The following HPS1 variants were observed in gnomAD, a reference collection of about 807,000 sequenced individuals.
The protein encoded by HPS1 is BLOC-3 complex member HPS1.
In HPS1, 59 loss-of-function variants were observed where a neutral mutation model predicts 90.6. That is an observed-to-expected ratio of 0.65 (90% CI 0.53 to 0.81). The LOEUF (loss-of-function observed/expected upper bound fraction) is 0.81. Among genes scored for constraint, HPS1 ranks in the 30% least tolerant of loss-of-function variants. The probability of loss-of-function intolerance (pLI) is 0.00; values close to 1 mark genes in which losing one functional copy is unlikely to be tolerated. For missense variants in HPS1, 849 were observed against 896.7 expected (o/e 0.95, Z 0.68); for synonymous variants, 388 against 384.4 (o/e 1.01, Z -0.11).
In HPS1 at chr10:98,435,861, G is replaced by T. The variant is rs193183757; in HGVS notation, c.118-89C>A. On this transcript the variant is annotated intron_variant, in intron 3 of 19. Coordinates refer to ENST00000361490, the MANE Select transcript of HPS1 (RefSeq NM_000195.5). The surrounding 1 kb of genome is among the most constrained non-coding windows in gnomAD (Gnocchi z 4.3). The stretch of plus-strand genomic sequence containing the variant: ...ACAAGATCAGGCCTTGATATCAAGG[G>T]TTCCATAGTGTTAGACCCTCCTGGG... 33 of 1,537,364 alleles carry T rather than the reference G, an allele frequency of 2.1e-5. No homozygotes were observed. The East Asian group carries it at 7.2e-4, about 34-fold the overall frequency.
rs1165966988 is a variant in HPS1 at position 98,429,705 on chromosome 10, T to C, written c.868-63A>G. 5 of 1,613,870 alleles carry C rather than the reference T, an allele frequency of 3.1e-6. No individual in the cohort carries two copies. The Admixed American group carries it at 8.3e-5, about 27-fold the overall frequency. On this transcript the variant is annotated intron_variant, in intron 9 of 19. Coordinates refer to ENST00000361490, the MANE Select transcript of HPS1 (RefSeq NM_000195.5). ...CCAGCTGGCTCAACCCTGTCCCTGCTCTCCCAGGAGGGATGGGAAAGGCCT... is the reference window on the plus strand; with the variant it reads ...CCAGCTGGCTCAACCCTGTCCCTGCCCTCCCAGGAGGGATGGGAAAGGCCT...
At chr10:98,438,850 G>A (rs757225005) in intron 3 of HPS1, among the ~76,000 whole-genome samples, 3 of 152,182 alleles carry the variant, frequency 2.0e-5, no homozygotes, top group East Asian at 1.9e-4. Context: ...AGGCCCTCTC[G>A]CCACAGGCCT....
downstream of HPS1, chr10:98,415,147 G>C: frequency 6.2e-7 from 1 of 1,610,762 alleles, no homozygotes; most frequent in South Asian, 1.1e-5. Context: ...TCTGCCCCAG[G>C]CTGGGCCTTG....
At chr10:98,434,880 GT>G (rs1847079248) in intron 5 of HPS1, among the ~76,000 whole-genome samples, 1 of 141,090 alleles carries the variant, frequency 7.1e-6, no homozygotes, top group Admixed American at 7.5e-5. Context: ...ATGTGCATGG[GT>G]TTGTGTTTTT....
At chr10:98,415,539 G>A (rs1473258671), downstream of HPS1, among the ~76,000 whole-genome samples, 3 of 152,214 alleles carry the variant, frequency 2.0e-5, no homozygotes, top group Non-Finnish European at 4.4e-5. Flanking sequence ...CTCCTCCCCT[G>A]TGCATCTACC....
At position 98,425,636 on chromosome 10, in the gene HPS1, C is replaced by G; in HGVS notation, c.1240G>C (p.Glu414Gln). 1 of 1,613,814 alleles carries G rather than the reference C, an allele frequency of 6.2e-7. No individual in the cohort carries two copies. Among genetic ancestry groups the G allele is most frequent in the Middle Eastern group, 1.7e-4 (1 of 6,056 alleles). ...MLEKKLKEGP[E>Q]PGASLRSQPL... is the part of the protein sequence containing the mutation. ...TGGGAGCGCAGGGAGGCCCCGGGCT[C>G]CGGCCCTTCCTTCAGCTTCTTCTCC... The change falls in exon 13 of 20, where the codon GAG becomes CAG. Residue 414 changes from glutamate (E) to glutamine (Q), a missense_variant. Physicochemically the swap from Glu to Gln is conservative, Grantham distance 29. Coordinates refer to ENST00000361490, the MANE Select transcript of HPS1 (RefSeq NM_000195.5).
intron 10 of HPS1, among the ~76,000 whole-genome samples, chr10:98,427,642 G>A (rs928810776): frequency 7.4e-5 from 10 of 135,034 alleles, no homozygotes; most frequent in South Asian, 2.5e-4. Context: ...GCCTCAACCC[G>A]CCCCTCAGGA....
At chr10:98,430,896 C>A (rs1482599303) in intron 7 of HPS1, among the ~76,000 whole-genome samples, 4 of 152,184 alleles carry the variant, frequency 2.6e-5, no homozygotes, top group Non-Finnish European at 5.9e-5. Context: ...CACCAGGGAC[C>A]AAGAACAACA....
rs375927441 is a variant in HPS1 at position 98,418,169 on chromosome 10, C to T, written c.1940+6G>A. The T allele has an allele frequency of 9.7e-5, 155 of 1,590,018 alleles. No individual in the cohort carries two copies. Among genetic ancestry groups the T allele is most frequent in the African/African-American group, 8.9e-4 (66 of 74,508 alleles). On this transcript the variant is annotated splice_donor_region_variant and intron_variant, in intron 19 of 19. Transcript: ENST00000361490. ...CTGTCCCCAGTGGCTCCCAACGCAG[C>T]GTCACCTGTAGTAGTCTCCTCCCAG...
rs763241171 is a variant in HPS1 at position 98,424,327 on chromosome 10, G to A, written c.1383C>T (p.Pro461=). 71 of 1,612,574 alleles carry A rather than the reference G, an allele frequency of 4.4e-5. No individual in the cohort carries two copies. Among genetic ancestry groups the A allele is most frequent in the South Asian group, 2.1e-4 (19 of 90,608 alleles). ...CCACCACTCACTCCCAGGAGGATCC[G>A]GGCTCACTTTTGGAGAAAGCCTTGG... ...FKAKAFSKSE[P]GSSWELLQAC... is the part of the protein sequence containing the mutation. The change falls in exon 14 of 20, where the codon CCC becomes CCT. Residue 461 remains proline, a synonymous_variant. Coordinates refer to ENST00000361490, the MANE Select transcript of HPS1 (RefSeq NM_000195.5).
At chr10:98,426,039 C>T in intron 11 of HPS1, 54 bp from the exon 12 acceptor site, 1 of 1,475,170 alleles carries the variant, frequency 6.8e-7, no homozygotes, top group Non-Finnish European at 9.5e-7. Context: ...TTGGACCCAC[C>T]CATTGCGGCC....
intron 16 of HPS1, among the ~76,000 whole-genome samples, chr10:98,423,375 A>C (rs1845163500): frequency 6.8e-6 from 1 of 147,958 alleles, no homozygotes. Flanking sequence ...TTTGTGAATT[A>C]ACTTTGGGAC....
chr10:98,418,977 G>A (rs983546987), intron 18 of HPS1, among the ~76,000 whole-genome samples: 11 of 152,248 alleles, frequency 7.2e-5, no homozygotes, highest in African/African-American at 2.4e-4. Context: ...CTGGGAGCCT[G>A]CAGGCCGGGG....
intron 14 of HPS1, 41 bp downstream of exon 14, chr10:98,424,272 G>A: frequency 6.7e-7 from 1 of 1,491,164 alleles, no homozygotes; most frequent in Non-Finnish European, 9.3e-7. Context: ...ACAGTCCCCT[G>A]GGCACACGAC....
chr10:98,430,178 C>T (rs1473783139), intron 8 of HPS1, among the ~76,000 whole-genome samples: 1 of 152,174 alleles, frequency 6.6e-6, no homozygotes, highest in Non-Finnish European at 1.5e-5. Context: ...TTCACTATGC[C>T]CCAGGCAGTG....
rs760527541 is a variant in HPS1 at position 98,443,197 on chromosome 10, A to G, written c.44T>C (p.Phe15Ser). The stretch of plus-strand genomic sequence containing the variant: ...TTCAAACTCCTGATCTGTCCAGTAG[A>G]AGAGGACCTCTGCGCCCTCAGTGGC... ...LVATEGAEVL[F>S]YWTDQEFEES... The change falls in exon 3 of 20, where the codon TTC becomes TCC. Residue 15 changes from phenylalanine (F) to serine (S), a missense_variant. By Grantham distance (155) the Phe-to-Ser change is radical. Transcript: ENST00000361490. 1.2e-6 allele frequency: 2 copies of G among 1,614,134 alleles called. No homozygotes were observed. Among genetic ancestry groups the G allele is most frequent in the Non-Finnish European group, 1.7e-6 (2 of 1,180,004 alleles).
At chr10:98,437,377 T>A (rs181673712) in intron 3 of HPS1, among the ~76,000 whole-genome samples, 1 of 152,246 alleles carries the variant, frequency 6.6e-6, no homozygotes, top group Admixed American at 6.5e-5. Context: ...AAGTCACTTA[T>A]GAATCTAGAT....
rs1240455557 is a variant in HPS1 at position 98,425,934 on chromosome 10, C to G, written c.1039G>C (p.Gly347Arg). The G allele has an allele frequency of 1.9e-6, 3 of 1,614,102 alleles. No individual in the cohort carries two copies. Among genetic ancestry groups the G allele is most frequent in the South Asian group, 1.1e-5 (1 of 91,086 alleles). The change falls in exon 12 of 20, where the codon GGC becomes CGC. Residue 347 changes from glycine to arginine, a missense_variant. Coordinates refer to ENST00000361490, the MANE Select transcript of HPS1 (RefSeq NM_000195.5). Reference protein sequence around the residue: ...TLVPHCPVPSGPRRIFLDANV... With the variant: ...TLVPHCPVPSRPRRIFLDANV... ...GCATCCAGGAAGATCCTTCTGGGGCCGGAAGGCACAGGGCAGTGGGGAACC... is the reference window on the plus strand; with the variant it reads ...GCATCCAGGAAGATCCTTCTGGGGCGGGAAGGCACAGGGCAGTGGGGAACC...
chr10:98,423,754 G>A lies in HPS1; in HGVS notation c.1531C>T (p.Arg511Trp), dbSNP rs147748659. The change falls in exon 15 of 20, where the codon CGG becomes TGG. Residue 511 changes from arginine to tryptophan, a missense_variant and splice_region_variant. Transcript: ENST00000361490. ...HLQDQVQRLMREKLTDWKDFL... is the reference protein window; with the variant it reads ...HLQDQVQRLMWEKLTDWKDFL... ...CCCAGGGGGCCGCACTGCACTTACCGCATGAGCCTCTGCACTTGGTCCTGC... is the reference window on the plus strand; with the variant it reads ...CCCAGGGGGCCGCACTGCACTTACCACATGAGCCTCTGCACTTGGTCCTGC... The A allele has an allele frequency of 7.7e-5, 124 of 1,614,066 alleles. 1 individual carries two copies. The South Asian group carries it at 9.7e-4, about 13-fold the overall frequency.
Sources: gnomAD v4.1 joint callset for allele counts (sites outside exome capture counted in the v4.1 genomes callset) on GRCh38, gnomAD v4.1.1 for gene constraint, Gnocchi (gnomAD v3.1) non-coding constraint, MANE v1.5 for transcripts, NCBI Gene and HGNC (gene_info 2026-07-23, HGNC 2026-07-21) for gene names.